Variants in NDRG3 observed in about 807,000 individuals in gnomAD.
NDRG3 encodes protein NDRG3.
NDRG3 carries 23 observed loss-of-function variants against 57.2 expected under a neutral mutation model. The observed-to-expected ratio is 0.40, with a 90% confidence interval of 0.29 to 0.57. NDRG3 has a LOEUF of 0.57. NDRG3 is among the 20% of genes least tolerant of loss of function. NDRG3 has a pLI of 0.42. For synonymous variants in NDRG3, 132 were observed against 162.6 expected (o/e 0.81, Z 1.43); for missense variants, 384 against 457.3 (o/e 0.84, Z 1.46).
chr20:36,739,909 C>CAAAAAAAAAAAAAAAA (rs774462877), intron 1 of NDRG3, among the ~76,000 whole-genome samples: 1 of 41,600 alleles, frequency 2.4e-5, no homozygotes, highest in African/African-American at 8.1e-5. Context: ...GACTCCGTCT[C>CAAAAAAAAAAAAAAAA]AAAAAAAAAA....
At chr20:36,670,123 G>A (rs1380948682) in intron 9 of NDRG3, among the ~76,000 whole-genome samples, 1 of 152,038 alleles carries the variant, frequency 6.6e-6, no homozygotes, top group African/African-American at 2.4e-5. Context: ...TGTTTGGGGT[G>A]GGGAATTATT....
intron 1 of NDRG3, among the ~76,000 whole-genome samples, chr20:36,722,010 G>A (rs2148198393): frequency 6.6e-6 from 1 of 152,242 alleles, no homozygotes; most frequent in South Asian, 2.1e-4. Flanking sequence ...TGTGCGCAGG[G>A]CCTGTGGCTT....
Position 36,653,509 on chromosome 20 carries a change from G to T in NDRG3, c.*11C>A. On this transcript the variant is annotated 3_prime_UTR_variant, in exon 16 of 16. Transcript: ENST00000349004. The surrounding 1 kb of genome is among the most constrained non-coding windows in gnomAD (Gnocchi z 4.2). Reference sequence around the variant, plus strand: ...GATGGACTTGCAATGGTCCAGGGGAGGAGCATCTGCTTAGCAGGACACCTC... The same window carrying T: ...GATGGACTTGCAATGGTCCAGGGGATGAGCATCTGCTTAGCAGGACACCTC... The T allele has an allele frequency of 6.2e-7, 1 of 1,612,450 alleles. No individual in the cohort carries two copies. The highest frequency in any genetic ancestry group is 2.2e-5 in the East Asian group (1 of 44,844).
intron 2 of NDRG3, among the ~76,000 whole-genome samples, chr20:36,715,006 GTATATATATATATA>G (rs545495779): frequency 0.02 from 528 of 26,692 alleles, 8 homozygotes; most frequent in African/African-American, 0.037. Context: ...GTGTGTGTGT[GTATATATATATATA>G]TATATATATA....
At chr20:36,677,126 G>C (rs1307217403) in intron 8 of NDRG3, among the ~76,000 whole-genome samples, 1 of 152,166 alleles carries the variant, frequency 6.6e-6, no homozygotes, top group Non-Finnish European at 1.5e-5. Flanking sequence ...ACAAGCGGGA[G>C]CCGGGCCCCT....
chr20:36,682,717 T>G lies in NDRG3; in HGVS notation c.384-139A>C, dbSNP rs1981414668. The G allele has an allele frequency of 1.2e-5, 8 of 693,508 alleles. No individual in the cohort carries two copies. In the East Asian group the frequency reaches 2.2e-4, roughly 19 times the overall value. 43.0% of individuals were successfully genotyped at this position (693,508 alleles called of 1,614,324 possible). On this transcript the variant is annotated intron_variant, in intron 6 of 15. Transcript: ENST00000349004. ...TGAGAATTTGGGCAAGTGTTTTTTT[T>G]CTTTCCCCTAACTTTCTGAGCCTCA...
chr20:36,741,888 GGT>G (rs1250320203), intron 1 of NDRG3, among the ~76,000 whole-genome samples: 1 of 152,144 alleles, frequency 6.6e-6, no homozygotes, highest in Non-Finnish European at 1.5e-5. Flanking sequence ...AGGTAATGCT[GGT>G]GCACACTAAA....
intron 2 of NDRG3, among the ~76,000 whole-genome samples, chr20:36,717,925 G>C (rs1005894671): frequency 6.6e-6 from 1 of 152,198 alleles, no homozygotes; most frequent in Non-Finnish European, 1.5e-5. Context: ...ACAATGCACA[G>C]AGCAGTGTTC....
intron 12 of NDRG3, among the ~76,000 whole-genome samples, 198 bp downstream of exon 12, chr20:36,664,848 G>T (rs1979486196): frequency 6.6e-6 from 1 of 151,944 alleles, no homozygotes; most frequent in Non-Finnish European, 1.5e-5. Context: ...CACCATGCCA[G>T]CTAATTAAAA....
Position 36,651,824 on chromosome 20 carries a change from G to A in NDRG3, c.*1696C>T, listed in dbSNP as rs1490273415. On this transcript the variant is annotated 3_prime_UTR_variant, in exon 16 of 16. Transcript: ENST00000349004. ...AATAATCTGTAAAAAGTCATACTCT[G>A]GCAGAGTGATGCATTCCTTATCTCA... The A allele has an allele frequency of 6.6e-6, 1 of 152,170 alleles. No homozygotes were observed. Among genetic ancestry groups the A allele is most frequent in the African/African-American group, 2.4e-5 (1 of 41,440 alleles). 9.4% of individuals were successfully genotyped at this position (152,170 alleles called of 1,614,324 possible).
At chr20:36,694,663 T>C (rs896519388) in intron 3 of NDRG3, among the ~76,000 whole-genome samples, 13 of 152,224 alleles carry the variant, frequency 8.5e-5, no homozygotes, top group African/African-American at 3.1e-4. Flanking sequence ...CTGTTGTAAA[T>C]CCTGTGAAGT....
At chr20:36,707,612 G>A (rs1047140139) in intron 2 of NDRG3, among the ~76,000 whole-genome samples, 1 of 152,214 alleles carries the variant, frequency 6.6e-6, no homozygotes, top group South Asian at 2.1e-4. Context: ...AGGGAAAAAG[G>A]ACAAGTCATT....
At chr20:36,700,440 T>C (rs368266080) in intron 3 of NDRG3, 43 of 532,504 alleles carry the variant, frequency 8.1e-5, no homozygotes, top group African/African-American at 7.1e-4. Context: ...CTCACCTCCA[T>C]GGTGATTGGC....
chr20:36,728,059 T>C lies in NDRG3; in HGVS notation c.-48-6276A>G, dbSNP rs75510389. Among the ~76,000 whole-genome samples, 104 of 144,006 alleles carry C rather than the reference T, an allele frequency of 7.2e-4. 1 individual carries two copies. The highest frequency in any genetic ancestry group is 2.6e-3 in the African/African-American group (100 of 39,124). 94.5% of individuals were successfully genotyped at this position (144,006 alleles called of 152,430 possible). A position where few individuals can be genotyped will look rare whatever the true frequency, so the allele number is the denominator to read the frequency against. ...AAATAAGTGAATAATAGGGAAAGGATTTTTTTTTTTTTGAGATGGAGTCTC... is the reference window on the plus strand; with the variant it reads ...AAATAAGTGAATAATAGGGAAAGGACTTTTTTTTTTTTGAGATGGAGTCTC... On this transcript the variant is annotated intron_variant, in intron 1 of 15. Transcript: ENST00000349004.
chr20:36,666,216 C>A, intron 10 of NDRG3, 73 bp downstream of exon 10: 1 of 1,131,664 alleles, frequency 8.8e-7, no homozygotes, highest in Non-Finnish European at 1.3e-6. Context: ...AGATACAGTC[C>A]TCTCTCCTTC....
chr20:36,713,247 C>A (rs1402499164), intron 2 of NDRG3, among the ~76,000 whole-genome samples: 1 of 152,092 alleles, frequency 6.6e-6, no homozygotes, highest in Non-Finnish European at 1.5e-5. Flanking sequence ...TTAATTATTA[C>A]TGAAAGTTGC....
chr20:36,676,367 T>C, intron 8 of NDRG3, among the ~76,000 whole-genome samples: 1 of 152,368 alleles, frequency 6.6e-6, no homozygotes, highest in East Asian at 1.9e-4. Flanking sequence ...ACCATAGTTT[T>C]AGATTAAAAT....
intron 13 of NDRG3, among the ~76,000 whole-genome samples, chr20:36,657,466 C>T (rs1159089486): frequency 2.1e-5 from 3 of 146,308 alleles, no homozygotes; most frequent in Non-Finnish European, 3.0e-5. Flanking sequence ...CCAACCTGGG[C>T]GACAGAGTCC....
chr20:36,703,589 G>A (rs1379165717), intron 3 of NDRG3, among the ~76,000 whole-genome samples: 1 of 151,880 alleles, frequency 6.6e-6, no homozygotes, highest in Non-Finnish European at 1.5e-5. Flanking sequence ...GACTACAGGC[G>A]CATGCCATCG....
Sources: allele counts gnomAD v4.1 joint callset (sites outside exome capture counted in the v4.1 genomes callset), GRCh38; gene constraint gnomAD v4.1.1; non-coding constraint Gnocchi (gnomAD v3.1); transcripts MANE v1.5; gene names NCBI Gene and HGNC (gene_info 2026-07-23, HGNC 2026-07-21).